Variants in CLHC1 observed in about 807,000 individuals in gnomAD.
CLHC1 encodes clathrin heavy chain linker domain-containing protein 1.
Under a neutral mutation model 69.5 loss-of-function variants are expected in CLHC1, and 72 were observed. That is an observed-to-expected ratio of 1.04 (90% confidence interval 0.86 to 1.26). The LOEUF (loss-of-function observed/expected upper bound fraction) is 1.26, where lower values mean the gene tolerates loss of function less well. CLHC1 is among the 50% of genes most tolerant of loss of function. CLHC1 has a pLI of 0.00. For synonymous variants in CLHC1, 223 were observed against 224.3 expected (o/e 0.99, Z 0.05); for missense variants, 790 against 679.3 (o/e 1.16, Z -1.81).
At chr2:55,192,006 T>A (rs1352385407) in intron 9 of CLHC1, among the ~76,000 whole-genome samples, 1 of 152,022 alleles carries the variant, frequency 6.6e-6, no homozygotes, top group Non-Finnish European at 1.5e-5. Flanking sequence ...AGCAAAATCC[T>A]GACTCTAAAA....
At position 55,206,373 on chromosome 2, in the gene CLHC1, A is replaced by C. The variant is rs749772675; in HGVS notation, c.903T>G (p.Phe301Leu). The change falls in exon 9 of 13, where the codon TTT (phenylalanine) becomes TTG (leucine). Residue 301 changes from phenylalanine to leucine, a missense_variant. Coordinates refer to ENST00000401408, the MANE Select transcript of CLHC1 (RefSeq NM_152385.4). ...AEIMLHYIER[F>L]NELISLGEYE... ...ATTCACCAAGTGAGATTAACTCATT[A>C]AACCTATAGCCATCACATTTTAAAA... 9 of 1,558,906 alleles carry C rather than the reference A, an allele frequency of 5.8e-6. No individual in the cohort carries two copies. The highest frequency in any genetic ancestry group is 8.0e-6 in the Non-Finnish European group (9 of 1,131,028).
chr2:55,201,489 C>A (rs577927777), intron 9 of CLHC1, among the ~76,000 whole-genome samples: 1 of 152,098 alleles, frequency 6.6e-6, no homozygotes, highest in Non-Finnish European at 1.5e-5. Context: ...AAAACCTGAA[C>A]AGACCAATAA....
At chr2:55,176,108 C>T in intron 12 of CLHC1, 122 bp from the exon 13 acceptor site, 1 of 767,150 alleles carries the variant, frequency 1.3e-6, no homozygotes, top group Non-Finnish European at 2.1e-6. Flanking sequence ...CTACCTGATT[C>T]CCCTAAGATT....
At chr2:55,227,966 C>T (rs1261134688) in intron 2 of CLHC1, 66 bp downstream of exon 2, 2 of 152,190 alleles carry the variant, frequency 1.3e-5, no homozygotes, top group African/African-American at 4.8e-5. Flanking sequence ...CTCCCCCTCC[C>T]TGCAGACCAT....
intron 9 of CLHC1, among the ~76,000 whole-genome samples, chr2:55,205,012 C>A (rs529254570): frequency 2.0e-5 from 3 of 152,194 alleles, no homozygotes; most frequent in South Asian, 4.1e-4. Context: ...AATGGCCATA[C>A]TGCCCAAAGC....
chr2:55,196,160 A>G (rs375660794), intron 9 of CLHC1, among the ~76,000 whole-genome samples: 3 of 152,170 alleles, frequency 2.0e-5, no homozygotes, highest in East Asian at 1.9e-4. Flanking sequence ...CCAGAAGAGA[A>G]TCATCTATCC....
Position 55,222,158 on chromosome 2 carries a change from AG to A in CLHC1, c.177+76del, listed in dbSNP as rs1674188385. 5 of 973,348 alleles carry A rather than the reference AG, an allele frequency of 5.1e-6. No individual in the cohort carries two copies. In the East Asian group the frequency reaches 1.2e-4, roughly 24 times the overall value. 60.3% of individuals were successfully genotyped at this position (973,348 alleles called of 1,614,324 possible). On this transcript the variant is annotated intron_variant, in intron 3 of 12. Transcript: ENST00000401408. Reference sequence around the variant, plus strand: ...TATCATTCAAACAGTGGTGTTACTAAGGCAGGAATATTGGTTGTCAACATAG... The same window carrying A: ...TATCATTCAAACAGTGGTGTTACTAAGCAGGAATATTGGTTGTCAACATAG...
chr2:55,228,219 A>G lies in CLHC1; in HGVS notation c.-255-15T>C, dbSNP rs976568027. On this transcript the variant is annotated splice_polypyrimidine_tract_variant and intron_variant, in intron 1 of 12. Transcript: ENST00000401408. ...CATCTGTTAGGCTGTAAGCGTGACA[A>G]GATCAGGAAACAAAATGTTCTCTTT... 6.6e-6 allele frequency: 1 copy of G among 152,216 alleles called. No homozygotes were observed. The highest frequency in any genetic ancestry group is 1.5e-5 in the Non-Finnish European group (1 of 68,060). 9.4% of individuals were successfully genotyped at this position (152,216 alleles called of 1,614,324 possible). A position where few individuals can be genotyped will look rare whatever the true frequency, so the allele number is the denominator to read the frequency against.
In CLHC1 at chr2:55,175,782, A is replaced by G. The variant is rs963076771; in HGVS notation, c.*8T>C. 6.2e-7 allele frequency: 1 copy of G among 1,611,104 alleles called. No individual in the cohort carries two copies. The highest frequency in any genetic ancestry group is 2.2e-5 in the East Asian group (1 of 44,826). On this transcript the variant is annotated 3_prime_UTR_variant, in exon 13 of 13. Coordinates refer to ENST00000401408, the MANE Select transcript of CLHC1 (RefSeq NM_152385.4). The stretch of plus-strand genomic sequence containing the variant: ...GTACAAGCTCCCTCAGCTGGTTAAG[A>G]TATAGAACTACCAAAACACATGTTC...
intron 1 of CLHC1, among the ~76,000 whole-genome samples, chr2:55,229,727 AGCCTTTAGAG>A (rs1675080793): frequency 6.6e-6 from 1 of 152,204 alleles, no homozygotes; most frequent in Non-Finnish European, 1.5e-5. Flanking sequence ...TGAGATTCGA[AGCCTTTAGAG>A]GCCTGTGTGC....
At chr2:55,183,901 C>T (rs367748767) in intron 9 of CLHC1, among the ~76,000 whole-genome samples, 4 of 152,232 alleles carry the variant, frequency 2.6e-5, no homozygotes, top group African/African-American at 9.6e-5. Context: ...TTGCCTCAGC[C>T]TCCCATTTAG....
chr2:55,198,714 T>A (rs993370637), intron 9 of CLHC1, among the ~76,000 whole-genome samples: 2 of 152,104 alleles, frequency 1.3e-5, no homozygotes, highest in Non-Finnish European at 1.5e-5. Flanking sequence ...TCAAGGCATT[T>A]AATAATCAAA....
chr2:55,202,427 G>T (rs751816675), intron 9 of CLHC1, among the ~76,000 whole-genome samples: 1 of 151,734 alleles, frequency 6.6e-6, no homozygotes, highest in African/African-American at 2.4e-5. Context: ...CTGGTGGCAG[G>T]TGCCTGTAAT....
At chr2:55,207,416 A>G (rs1013775059) in intron 8 of CLHC1, among the ~76,000 whole-genome samples, 6 of 152,202 alleles carry the variant, frequency 3.9e-5, no homozygotes, top group Non-Finnish European at 8.8e-5. Flanking sequence ...AAAACTTTCA[A>G]TCTCAACAAG....
chr2:55,182,061 C>G (rs980656838), intron 9 of CLHC1, among the ~76,000 whole-genome samples: 2 of 151,906 alleles, frequency 1.3e-5, no homozygotes, highest in East Asian at 1.9e-4. Context: ...AGGAATGAAC[C>G]CTTGACACCA....
chr2:55,208,533 A>G, intron 8 of CLHC1, 93 bp downstream of exon 8: 1 of 780,142 alleles, frequency 1.3e-6, no homozygotes, highest in South Asian at 1.6e-5. Flanking sequence ...ATCTCCTCTG[A>G]AAAATCTCCT....
chr2:55,194,790 C>T (rs367858717), intron 9 of CLHC1, among the ~76,000 whole-genome samples: 3 of 152,046 alleles, frequency 2.0e-5, no homozygotes, highest in South Asian at 2.1e-4. Context: ...GTCTACAACA[C>T]GATGTTTGAT....
intron 5 of CLHC1, 137 bp downstream of exon 5, chr2:55,212,536 C>T: frequency 4.4e-6 from 3 of 685,004 alleles, no homozygotes; most frequent in African/African-American, 1.8e-5. Flanking sequence ...ACCTACAGTC[C>T]TGACTAAAAT....
chr2:55,232,414 C>T, upstream of CLHC1: 1 of 288,796 alleles, frequency 3.5e-6, no homozygotes, highest in Non-Finnish European at 6.8e-6. Context: ...CCTCGACCTC[C>T]TTTTAAAAAT....
Sources: allele counts gnomAD v4.1 joint callset (sites outside exome capture counted in the v4.1 genomes callset), GRCh38; gene constraint gnomAD v4.1.1; transcripts MANE v1.5; gene names NCBI Gene and HGNC (gene_info 2026-07-23, HGNC 2026-07-21).